CCDC30: variants seen among roughly 807,000 people sequenced by gnomAD.
The protein encoded by CCDC30 is coiled-coil domain-containing protein 30.
CCDC30 carries 70 observed loss-of-function variants against 100.2 expected under a neutral mutation model. That is an observed-to-expected ratio of 0.70 (90% CI 0.58 to 0.85). The LOEUF (loss-of-function observed/expected upper bound fraction) is 0.85, where lower values mean the gene tolerates loss of function less well. Among genes scored for constraint, CCDC30 ranks in the 40% least tolerant of loss-of-function variants. The pLI is 0.00. For synonymous variants in CCDC30, 233 were observed against 269.5 expected, an observed-to-expected ratio of 0.86 and a Z score of 1.33; for missense variants, 652 against 771.2, an observed-to-expected ratio of 0.85 and a Z score of 1.83.
intron 9 of CCDC30, among the ~76,000 whole-genome samples, chr1:42,582,056 T>C (rs1263573556): frequency 9.0e-6 from 1 of 111,102 alleles, no homozygotes; most frequent in Non-Finnish European, 1.8e-5. Context: ...TCTTTGTCTA[T>C]ACCAAAAAAA....
At chr1:42,576,167 A>G (rs1277943597) in intron 7 of CCDC30, among the ~76,000 whole-genome samples, 1 of 152,204 alleles carries the variant, frequency 6.6e-6, no homozygotes, top group Non-Finnish European at 1.5e-5. Context: ...GCATTAGAGG[A>G]TAGATTAGAA....
At chr1:42,556,355 C>G (rs1282772402) in intron 6 of CCDC30, 1 of 1,613,946 alleles carries the variant, frequency 6.2e-7, no homozygotes, top group Non-Finnish European at 8.5e-7. Context: ...AAATCAGAGC[C>G]TTCTTCAGTC....
chr1:42,552,608 TA>T (rs199664583), intron 6 of CCDC30, among the ~76,000 whole-genome samples: 20,588 of 151,920 alleles, frequency 0.14, 1,529 homozygotes, highest in East Asian at 0.17. Flanking sequence ...GGAAAAATTT[TA>T]AAAAAAATTA....
chr1:42,637,948 G>A (rs1050715712), intron 12 of CCDC30, among the ~76,000 whole-genome samples: 26 of 152,166 alleles, frequency 1.7e-4, no homozygotes, highest in African/African-American at 6.3e-4. Context: ...AGGCCAGTAA[G>A]GTTTTCCCTT....
At chr1:42,650,495 ATATGTGTGTGTG>A (rs1425580314) in intron 15 of CCDC30, among the ~76,000 whole-genome samples, 1 of 98,910 alleles carries the variant, frequency 1.0e-5, no homozygotes, top group African/African-American at 4.5e-5. Context: ...AAAAAAATAT[ATATGTGTGTGTG>A]TGTGTGTGTG....
At chr1:42,515,797 A>C (rs1283631993) in intron 6 of CCDC30, among the ~76,000 whole-genome samples, 1 of 152,212 alleles carries the variant, frequency 6.6e-6, no homozygotes, top group Non-Finnish European at 1.5e-5. Context: ...TATAAGGGGA[A>C]TCATGTACTA....
intron 11 of CCDC30, among the ~76,000 whole-genome samples, chr1:42,614,512 C>A (rs574491923): frequency 6.6e-6 from 1 of 151,916 alleles, no homozygotes; most frequent in African/African-American, 2.4e-5. Flanking sequence ...CAGGGCCAGG[C>A]GCAGTGGCTT....
chr1:42,548,125 A>G lies in CCDC30; in HGVS notation c.457-18171A>G, dbSNP rs141595249. ...ATAGCATGGAGTGTGAAGAGAGGAAATGGGGAACAGGATGATGAGAATGAA... is the reference window on the plus strand; with the variant it reads ...ATAGCATGGAGTGTGAAGAGAGGAAGTGGGGAACAGGATGATGAGAATGAA... On this transcript the variant is annotated intron_variant, in intron 6 of 16. Transcript: ENST00000668663. Among the ~76,000 whole-genome samples, 604 of 152,262 alleles carry G rather than the reference A, an allele frequency of 4.0e-3. 3 individuals carry two copies. Among genetic ancestry groups the G allele is most frequent in the African/African-American group, 0.014 (576 of 41,550 alleles).
intron 6 of CCDC30, among the ~76,000 whole-genome samples, chr1:42,541,565 C>T (rs960968600): frequency 2.6e-5 from 4 of 152,168 alleles, no homozygotes; most frequent in African/African-American, 7.2e-5. Flanking sequence ...TTGTTCTATT[C>T]CTCATGATAT....
rs114558479 is a variant in CCDC30 at position 42,524,112 on chromosome 1, T to C, written c.456+25196T>C. On this transcript the variant is annotated intron_variant, in intron 6 of 16. Coordinates refer to ENST00000668663, the Ensembl canonical transcript of CCDC30. Reference sequence around the variant, plus strand: ...TTCTGTTGGTTTTGTTTTCTTTTTTTTTTTAAGTTTTAAATGGGCCACACC... The same window carrying C: ...TTCTGTTGGTTTTGTTTTCTTTTTTCTTTTAAGTTTTAAATGGGCCACACC... Among the ~76,000 whole-genome samples the C allele has an allele frequency of 7.1e-3, 1,087 of 152,082 alleles. 16 individuals carry two copies. Among genetic ancestry groups the C allele is most frequent in the African/African-American group, 0.025 (1,024 of 41,542 alleles).
intron 7 of CCDC30, among the ~76,000 whole-genome samples, chr1:42,573,705 T>C (rs1336200544): frequency 1.3e-5 from 2 of 152,104 alleles, no homozygotes; most frequent in Admixed American, 1.3e-4. Flanking sequence ...TATGTTTTTA[T>C]AGCTTTTTAA....
At position 42,570,450 on chromosome 1, in the gene CCDC30, A is replaced by G. The variant is rs529993143; in HGVS notation, c.636+3975A>G. Among the ~76,000 whole-genome samples, 7 of 152,322 alleles carry G rather than the reference A, an allele frequency of 4.6e-5. No homozygotes were observed. In the East Asian group the frequency reaches 1.2e-3, roughly 25 times the overall value. Reference sequence around the variant, plus strand: ...AAAATATAACACTTAGAAAATGCATAAAACATACAGTTTACCTAGTAGTCA... The same window carrying G: ...AAAATATAACACTTAGAAAATGCATGAAACATACAGTTTACCTAGTAGTCA... On this transcript the variant is annotated intron_variant, in intron 7 of 16. Transcript: ENST00000668663.
intron 6 of CCDC30, among the ~76,000 whole-genome samples, chr1:42,563,259 G>C (rs1452236358): frequency 6.6e-6 from 1 of 152,196 alleles, no homozygotes; most frequent in Non-Finnish European, 1.5e-5. Flanking sequence ...ATACACCATG[G>C]AATACTTTGC....
chr1:42,598,304 C>A (rs530709505), intron 10 of CCDC30, among the ~76,000 whole-genome samples: 1 of 151,472 alleles, frequency 6.6e-6, no homozygotes, highest in Non-Finnish European at 1.5e-5. Context: ...ATCTCTTGAG[C>A]GAAGGAGTTC....
intron 7 of CCDC30, among the ~76,000 whole-genome samples, chr1:42,569,706 G>A (rs1229851659): frequency 1.3e-5 from 2 of 152,134 alleles, no homozygotes; most frequent in East Asian, 3.9e-4. Flanking sequence ...ATTCACAATA[G>A]CAAAGACTTG....
intron 6 of CCDC30, among the ~76,000 whole-genome samples, chr1:42,553,806 T>C (rs72957968): frequency 7.5e-4 from 114 of 152,344 alleles, no homozygotes; most frequent in African/African-American, 2.6e-3. Flanking sequence ...ATAAAAATTT[T>C]TAAAGGCATT....
intron 2 of CCDC30, among the ~76,000 whole-genome samples, chr1:42,482,439 A>G (rs1643974924): frequency 6.6e-6 from 1 of 152,140 alleles, no homozygotes; most frequent in Non-Finnish European, 1.5e-5. Flanking sequence ...GAAACCAAAT[A>G]TTTATAAGTA....
intron 11 of CCDC30, among the ~76,000 whole-genome samples, chr1:42,614,726 G>A (rs1163185853): frequency 3.3e-5 from 5 of 151,434 alleles, no homozygotes; most frequent in Non-Finnish European, 5.9e-5. Flanking sequence ...GGCAGATATT[G>A]CAGTGAGCCA....
chr1:42,620,429 G>T (rs1332825501), intron 11 of CCDC30, among the ~76,000 whole-genome samples: 1 of 152,096 alleles, frequency 6.6e-6, no homozygotes, highest in African/African-American at 2.4e-5. Context: ...GAAAACACCA[G>T]TAACCTTGAA....
Sources: gnomAD v4.1 joint callset for allele counts (sites outside exome capture counted in the v4.1 genomes callset) on GRCh38, gnomAD v4.1.1 for gene constraint, MANE v1.5 for transcripts, NCBI Gene and HGNC (gene_info 2026-07-23, HGNC 2026-07-21) for gene names.